The following ARHGEF12 variants were observed in gnomAD, a reference collection of about 807,000 sequenced individuals.
ARHGEF12 encodes the protein KMT2A/ARHGEF12 fusion protein.
A neutral mutation model predicts 211.2 loss-of-function variants in ARHGEF12; 66 were observed. That is an observed-to-expected ratio of 0.31 (90% CI 0.26 to 0.38). The LOEUF is 0.38. ARHGEF12 is among the 10% of genes least tolerant of loss of function. The pLI is 1.00. For synonymous variants in ARHGEF12, 592 were observed against 638.4 expected (o/e 0.93, Z 1.09); for missense variants, 1,429 against 1,869.5 (o/e 0.76, Z 4.34).
intron 1 of ARHGEF12, among the ~76,000 whole-genome samples, chr11:120,402,868 G>C (rs1282952757): frequency 6.6e-6 from 1 of 152,130 alleles, no homozygotes; most frequent in Admixed American, 6.5e-5. Flanking sequence ...CTGGTCCTTT[G>C]CAATTTTTTA....
At chr11:120,402,807 A>G (rs944975551) in intron 1 of ARHGEF12, among the ~76,000 whole-genome samples, 2 of 151,962 alleles carry the variant, frequency 1.3e-5, no homozygotes, top group Admixed American at 6.5e-5. Context: ...GAAAAAAACA[A>G]TTTCTAGCAG....
intron 7 of ARHGEF12, among the ~76,000 whole-genome samples, chr11:120,425,823 TA>T (rs1233819596): frequency 1.3e-5 from 2 of 151,192 alleles, no homozygotes; most frequent in African/African-American, 2.4e-5. Flanking sequence ...AAAAAGGAAT[TA>T]AAAAAAGAAT....
At position 120,449,183 on chromosome 11, in the gene ARHGEF12, A is replaced by C. The variant is rs998084467; in HGVS notation, c.1812A>C (p.Pro604=). The part of the protein sequence containing the change: ...RRGFPSILGP[P]RRPSRHDNSA... Reference sequence around the variant, plus strand: ...GATTCCCCAGCATCCTGGGACCCCCACGGAGACCAAGCCGTCATGACAACA... The same window carrying C: ...GATTCCCCAGCATCCTGGGACCCCCCCGGAGACCAAGCCGTCATGACAACA... Residue 604 remains proline (P), a synonymous_variant, in exon 21 of 41, where the codon CCA becomes CCC. Transcript: ENST00000397843. 2 of 1,614,118 alleles carry C rather than the reference A, an allele frequency of 1.2e-6. No homozygotes were observed. Among genetic ancestry groups the C allele is most frequent in the African/African-American group, 1.3e-5 (1 of 75,048 alleles).
Position 120,480,322 on chromosome 11 carries a change from A to G in ARHGEF12, c.4129A>G (p.Ser1377Gly). Residue 1377 changes from serine to glycine, a missense_variant, in exon 38 of 41, where the codon AGT (serine) becomes GGT (glycine). Transcript: ENST00000397843. ...TMEPEGGLDD[S>G]GEHFFDAREA... ...GGAGCCAGAAGGGGGTCTTGATGACAGTGGAGAGCACTTTTTTGATGCCCG... is the reference window on the plus strand; with the variant it reads ...GGAGCCAGAAGGGGGTCTTGATGACGGTGGAGAGCACTTTTTTGATGCCCG... 1 of 1,614,192 alleles carries G rather than the reference A, an allele frequency of 6.2e-7. No homozygotes were observed. The highest frequency in any genetic ancestry group is 8.5e-7 in the Non-Finnish European group (1 of 1,180,040).
intron 4 of ARHGEF12, among the ~76,000 whole-genome samples, chr11:120,419,554 A>T (rs561442624): frequency 6.6e-6 from 1 of 151,858 alleles, no homozygotes; most frequent in South Asian, 2.1e-4. Context: ...GTTAAGGTTC[A>T]TGTTAAGCTA....
chr11:120,356,448 C>T (rs949169542), intron 1 of ARHGEF12, among the ~76,000 whole-genome samples: 1 of 152,092 alleles, frequency 6.6e-6, no homozygotes, highest in African/African-American at 2.4e-5. Context: ...GAACTCTTGG[C>T]CTCAAGTGAT....
intron 1 of ARHGEF12, among the ~76,000 whole-genome samples, chr11:120,373,719 T>C (rs1237382459): frequency 6.6e-6 from 1 of 152,206 alleles, no homozygotes; most frequent in Non-Finnish European, 1.5e-5. Flanking sequence ...TTTTCCCCCA[T>C]ATTCTCTTCA....
intron 6 of ARHGEF12, among the ~76,000 whole-genome samples, chr11:120,422,351 G>C (rs1228404644): frequency 6.6e-6 from 1 of 152,160 alleles, no homozygotes; most frequent in Non-Finnish European, 1.5e-5. Flanking sequence ...AGGATTGCTT[G>C]AGTGCAGGAG....
chr11:120,371,446 C>T (rs1943586756), intron 1 of ARHGEF12, among the ~76,000 whole-genome samples: 1 of 152,188 alleles, frequency 6.6e-6, no homozygotes, highest in South Asian at 2.1e-4. Flanking sequence ...TGAGATCGTG[C>T]CACTGCACTC....
At chr11:120,435,561 C>T (rs1386229178) in intron 11 of ARHGEF12, among the ~76,000 whole-genome samples, 1 of 141,856 alleles carries the variant, frequency 7.0e-6, no homozygotes, top group Non-Finnish European at 1.5e-5. Flanking sequence ...GTTGCCCAGG[C>T]TGGAGTGCAG....
At chr11:120,428,040 C>T in intron 7 of ARHGEF12, 29 bp from the exon 8 acceptor site, 3 of 1,508,842 alleles carry the variant, frequency 2.0e-6, no homozygotes, top group African/African-American at 1.4e-5. Context: ...TTTCCCTTCC[C>T]TTCCCTTTTT....
Position 120,451,559 on chromosome 11 carries a change from T to G in ARHGEF12, c.1891T>G (p.Ser631Ala), listed in dbSNP as rs780165858. ...LQKARHPKHL[S>A]TPSSVSPEPQ... is the part of the protein sequence containing the mutation. ...GAAGGCGCGCCACCCTAAGCACTTA[T>G]CCACACCCTCATCTGTGAGTCCTGA... The change falls in exon 22 of 41, where the codon TCC (serine) becomes GCC (alanine). Residue 631 changes from serine (S) to alanine (A), a missense_variant. By Grantham distance (99) the Ser-to-Ala change is moderately conservative. Around this residue, in one of 7 missense-constraint regions of ARHGEF12, gnomAD observed 373 missense variants for 467.5 expected, o/e 0.80. Coordinates refer to ENST00000397843, the MANE Select transcript of ARHGEF12 (RefSeq NM_015313.3). 7 of 1,614,174 alleles carry G rather than the reference T, an allele frequency of 4.3e-6. No individual in the cohort carries two copies. Among genetic ancestry groups the G allele is most frequent in the South Asian group, 1.1e-5 (1 of 91,084 alleles).
chr11:120,477,629 T>A, intron 36 of ARHGEF12, 103 bp downstream of exon 36: 1 of 1,073,172 alleles, frequency 9.3e-7, no homozygotes, highest in Non-Finnish European at 1.4e-6. Flanking sequence ...CTTTGGGAGG[T>A]CGAGATAGGC....
chr11:120,358,309 A>G (rs941007719), intron 1 of ARHGEF12, among the ~76,000 whole-genome samples: 12 of 152,188 alleles, frequency 7.9e-5, no homozygotes, highest in Admixed American at 7.2e-4. Flanking sequence ...TAAGAATACC[A>G]GCAGGGTGAA....
At chr11:120,369,694 G>A (rs1405478729) in intron 1 of ARHGEF12, among the ~76,000 whole-genome samples, 2 of 152,212 alleles carry the variant, frequency 1.3e-5, no homozygotes, top group Middle Eastern at 3.2e-3. Flanking sequence ...CACCTGAGAA[G>A]CTTGCGCTCT....
At chr11:120,365,069 G>A (rs1846198072) in intron 1 of ARHGEF12, among the ~76,000 whole-genome samples, 1 of 152,096 alleles carries the variant, frequency 6.6e-6, no homozygotes, top group Admixed American at 6.5e-5. Context: ...TTATAGGCAC[G>A]AGCCACTGAA....
At chr11:120,482,071 C>G (rs1947261662) in intron 39 of ARHGEF12, among the ~76,000 whole-genome samples, 1 of 152,160 alleles carries the variant, frequency 6.6e-6, no homozygotes, top group Non-Finnish European at 1.5e-5. Flanking sequence ...CATTGTTTAT[C>G]TTTTGACTAT....
chr11:120,337,970 C>T (rs1465805423), intron 1 of ARHGEF12: 31 of 924,070 alleles, frequency 3.4e-5, no homozygotes, highest in Non-Finnish European at 3.6e-5. Context: ...AGTGTAAGCG[C>T]GCAGCTGAAT....
chr11:120,470,405 C>T (rs1000226804), intron 30 of ARHGEF12, among the ~76,000 whole-genome samples: 1 of 152,102 alleles, frequency 6.6e-6, no homozygotes, highest in South Asian at 2.1e-4. Context: ...GAATAAACCC[C>T]CAGGTTTCTG....
Sources: allele counts gnomAD v4.1 joint callset (sites outside exome capture counted in the v4.1 genomes callset), GRCh38; gene constraint gnomAD v4.1.1; regional missense constraint gnomAD v4.1.1; transcripts MANE v1.5; gene names NCBI Gene and HGNC (gene_info 2026-07-23, HGNC 2026-07-21).